The following XNDC1N variants were observed in gnomAD, a reference collection of about 807,000 sequenced individuals.
XNDC1N encodes XRCC1 N-terminal domain containing 1, N-terminal like, also known as protein XNDC1N.
At chr11:71,901,395 G>A in the XNDC1N span, among the ~76,000 whole-genome samples, 1 of 152,004 alleles carries the variant, frequency 6.6e-6, no homozygotes, top group African/African-American at 2.4e-5. Flanking sequence ...TCAGTAATTC[G>A]AGACCAGCCT....
At chr11:71,882,357 A>G in the XNDC1N span, among the ~76,000 whole-genome samples, 17 of 152,178 alleles carry the variant, frequency 1.1e-4, no homozygotes, top group Non-Finnish European at 2.2e-4. Context: ...CCTGGGTCCA[A>G]GCAATCTCGT....
chr11:71,915,163 C>A, the XNDC1N span, among the ~76,000 whole-genome samples: 1 of 151,982 alleles, frequency 6.6e-6, no homozygotes, highest in African/African-American at 2.4e-5. Flanking sequence ...GATTACGACT[C>A]GCTGGCCGGG....
At chr11:71,908,529 G>A in the XNDC1N span, among the ~76,000 whole-genome samples, 7 of 152,080 alleles carry the variant, frequency 4.6e-5, no homozygotes, top group Non-Finnish European at 8.8e-5. Flanking sequence ...CCAAAACGGG[G>A]ACACAAATGC....
the XNDC1N span, among the ~76,000 whole-genome samples, chr11:71,893,259 T>C: frequency 6.6e-6 from 1 of 152,184 alleles, no homozygotes; most frequent in South Asian, 2.1e-4. Flanking sequence ...TAAAGTAGTA[T>C]GAACAGAAAG....
the XNDC1N span, among the ~76,000 whole-genome samples, chr11:71,905,812 A>G: frequency 1.3e-5 from 2 of 152,086 alleles, no homozygotes; most frequent in Non-Finnish European, 2.9e-5. Flanking sequence ...CTGTGATATT[A>G]GGAGTTATAT....
the XNDC1N span, among the ~76,000 whole-genome samples, chr11:71,881,937 T>C: frequency 6.6e-6 from 1 of 152,074 alleles, no homozygotes; most frequent in African/African-American, 2.4e-5. Context: ...AGAAGAAATA[T>C]TTGAAGAAAT....
chr11:71,900,231 G>T, the XNDC1N span, among the ~76,000 whole-genome samples: 569 of 152,320 alleles, frequency 3.7e-3, no homozygotes, highest in African/African-American at 0.013. Context: ...AGAGGCCAGT[G>T]CCGGTGCAGA....
chr11:71,898,154 A>G, the XNDC1N span, among the ~76,000 whole-genome samples: 4 of 152,108 alleles, frequency 2.6e-5, no homozygotes, highest in Non-Finnish European at 4.4e-5. Context: ...ACTGCACTCC[A>G]GCCTGTGCGA....
chr11:71,876,902 C>T, the XNDC1N span, among the ~76,000 whole-genome samples: 2 of 152,228 alleles, frequency 1.3e-5, no homozygotes. Flanking sequence ...CAATAACCAG[C>T]ACAATGACCC....
chr11:71,897,243 G>A, the XNDC1N span, among the ~76,000 whole-genome samples: 1 of 152,286 alleles, frequency 6.6e-6, no homozygotes, highest in East Asian at 1.9e-4. Context: ...ACATATAAAT[G>A]ACAGACACTT....
the XNDC1N span, among the ~76,000 whole-genome samples, chr11:71,912,024 G>A: frequency 6.6e-6 from 1 of 152,228 alleles, no homozygotes; most frequent in Non-Finnish European, 1.5e-5. Context: ...CAGCTGCTAG[G>A]AACTGCAGTT....
chr11:71,886,676 C>T, the XNDC1N span, among the ~76,000 whole-genome samples: 5 of 152,156 alleles, frequency 3.3e-5, no homozygotes, highest in African/African-American at 9.7e-5. Flanking sequence ...TCCGTCAAAG[C>T]GCAGAAGACA....
chr11:71,906,943 C>G, the XNDC1N span, among the ~76,000 whole-genome samples: 1 of 152,142 alleles, frequency 6.6e-6, no homozygotes, highest in African/African-American at 2.4e-5. Flanking sequence ...GTGTACAAAC[C>G]CTGTGACATA....
the XNDC1N span, among the ~76,000 whole-genome samples, chr11:71,887,233 G>A: frequency 3.3e-5 from 5 of 152,204 alleles, no homozygotes; most frequent in African/African-American, 4.8e-5. Flanking sequence ...TGACGTCATC[G>A]GAGCCACGGG....
chr11:71,914,938 C>T, the XNDC1N span, among the ~76,000 whole-genome samples: 1 of 152,134 alleles, frequency 6.6e-6, no homozygotes. Flanking sequence ...GGAGAATTGA[C>T]TCAAATTTTG....
At chr11:71,891,736 G>T in the XNDC1N span, among the ~76,000 whole-genome samples, 1 of 152,052 alleles carries the variant, frequency 6.6e-6, no homozygotes, top group Non-Finnish European at 1.5e-5. Context: ...AAAAAAGGGT[G>T]TACAACCCCT....
At chr11:71,910,832 T>A in the XNDC1N span, among the ~76,000 whole-genome samples, 2 of 152,132 alleles carry the variant, frequency 1.3e-5, no homozygotes, top group Non-Finnish European at 2.9e-5. Context: ...TTTGCAGTAT[T>A]AGCCAAGCCT....
the XNDC1N span, among the ~76,000 whole-genome samples, chr11:71,908,596 C>T: frequency 1.3e-4 from 20 of 152,038 alleles, no homozygotes; most frequent in African/African-American, 3.9e-4. Flanking sequence ...GCTGGAGAGG[C>T]GTGTTTTTGG....
chr11:71,899,974 G>T, the XNDC1N span, among the ~76,000 whole-genome samples: 1 of 152,258 alleles, frequency 6.6e-6, no homozygotes, highest in African/African-American at 2.4e-5. Flanking sequence ...GGTGGGAGGC[G>T]AGACAAGTTT....
Sources: gnomAD v4.1 joint callset for allele counts (sites outside exome capture counted in the v4.1 genomes callset) on GRCh38, gnomAD v4.1.1 for gene constraint, MANE v1.5 for transcripts, NCBI Gene and HGNC (gene_info 2026-07-23, HGNC 2026-07-21) for gene names.